Variants in KIAA2012 observed in about 807,000 individuals in gnomAD.
KIAA2012 encodes KIAA2012.
A neutral mutation model predicts 150.6 loss-of-function variants in KIAA2012; 125 were observed. The observed-to-expected ratio is 0.83, with a 90% confidence interval of 0.72 to 0.96. The LOEUF is 0.96. Among genes scored for constraint, KIAA2012 ranks in the 40% least tolerant of loss-of-function variants. KIAA2012 has a pLI of 0.00. For synonymous variants in KIAA2012, 462 were observed against 504.7 expected (o/e 0.92, Z 1.13); for missense variants, 1,219 against 1,354.9 (o/e 0.90, Z 1.57).
chr2:202,171,192 CACAG>C lies in KIAA2012; in HGVS notation c.2119+5840_2119+5843del, dbSNP rs1691881348. On this transcript the variant is annotated intron_variant, in intron 15 of 23. Coordinates refer to ENST00000498697, the MANE Select transcript of KIAA2012 (RefSeq NM_001277372.4). Reference sequence around the variant, plus strand: ...ATAGACACACACACAGACACATATACACAGACACACATGCACACACACACACACA... The same window carrying C: ...ATAGACACACACACAGACACATATACACACACATGCACACACACACACACA... 3.6e-5 allele frequency among the ~76,000 whole-genome samples: 3 copies of C among 83,628 alleles called. 1 individual carries two copies. In the South Asian group the frequency reaches 1.6e-3, roughly 46 times the overall value. The allele number at this position is 83,628 out of a possible 152,430, so 54.9% of individuals were successfully genotyped here.
intron 4 of KIAA2012, 120 bp downstream of exon 4, chr2:202,093,305 C>G: frequency 2.0e-6 from 2 of 1,022,556 alleles, no homozygotes; most frequent in East Asian, 5.2e-5. Flanking sequence ...AGTCCTCAAT[C>G]TGTAAAATGA....
chr2:202,193,008 A>G (rs547182535), intron 19 of KIAA2012, among the ~76,000 whole-genome samples: 1 of 152,310 alleles, frequency 6.6e-6, no homozygotes, highest in African/African-American at 2.4e-5. Context: ...TTATGTTGGC[A>G]CTTTCATTAT....
intron 13 of KIAA2012, among the ~76,000 whole-genome samples, chr2:202,144,517 C>CG (rs1691258549): frequency 6.6e-6 from 1 of 150,972 alleles, no homozygotes; most frequent in Admixed American, 6.6e-5. Context: ...AACATGCACA[C>CG]GAAAAAAAAA....
chr2:202,077,470 TC>T (rs1689351244), intron 2 of KIAA2012, among the ~76,000 whole-genome samples: 1 of 152,230 alleles, frequency 6.6e-6, no homozygotes, highest in African/African-American at 2.4e-5. Flanking sequence ...GAAGTTGCTA[TC>T]TTCCTGTGGC....
chr2:202,134,970 T>A (rs1257676870), intron 12 of KIAA2012, among the ~76,000 whole-genome samples: 2 of 152,244 alleles, frequency 1.3e-5, no homozygotes, highest in East Asian at 3.8e-4. Flanking sequence ...TAGAATCAGA[T>A]GCCCTTTCCT....
rs747577955 is a variant in KIAA2012 at position 202,097,511 on chromosome 2, C to G, written c.762C>G (p.Gly254=). ...AGGGCCCTCTAGCCAAGAACCATGG[C>G]AGTCAGGGGACTCGCTTGCCACCAC... ...VDQGPLAKNH[G]SQGTRLPPRR... is the part of the protein sequence containing the mutation. Residue 254 remains glycine (G), a synonymous_variant, in exon 5 of 24, where the codon GGC becomes GGG. Coordinates refer to ENST00000498697, the MANE Select transcript of KIAA2012 (RefSeq NM_001277372.4). 3.2e-6 allele frequency: 5 copies of G among 1,550,328 alleles called. No homozygotes were observed. In the South Asian group the frequency reaches 5.9e-5, roughly 18 times the overall value.
chr2:202,103,165 T>C (rs1575012834), intron 8 of KIAA2012, 51 bp downstream of exon 8: 1 of 1,515,436 alleles, frequency 6.6e-7, no homozygotes, highest in Non-Finnish European at 8.9e-7. Context: ...GGATGGGGGG[T>C]CCTGCCACTT....
rs1266984713 is a variant in KIAA2012, at chr2:202,099,507, AT to A, written c.829-103del. 2.5e-5 allele frequency: 23 copies of A among 903,876 alleles called. No homozygotes were observed. The African/African-American group carries it at 3.9e-4, about 15-fold the overall frequency. 56.0% of individuals were successfully genotyped at this position (903,876 alleles called of 1,614,324 possible). Reference sequence around the variant, plus strand: ...TTTTTCTTCCCAACCTGCAAAAGAAATTTCATCCTTGAAACCATAAGCCTAG... The same window carrying A: ...TTTTTCTTCCCAACCTGCAAAAGAAATTCATCCTTGAAACCATAAGCCTAG... On this transcript the variant is annotated intron_variant, in intron 5 of 23. Transcript: ENST00000498697.
intron 11 of KIAA2012, among the ~76,000 whole-genome samples, chr2:202,124,536 C>G (rs1170104069): frequency 6.6e-6 from 1 of 152,144 alleles, no homozygotes; most frequent in African/African-American, 2.4e-5. Flanking sequence ...TCTGTCATCC[C>G]CCATGGCTGC....
At chr2:202,124,635 G>C (rs1690737096) in intron 11 of KIAA2012, among the ~76,000 whole-genome samples, 1 of 152,142 alleles carries the variant, frequency 6.6e-6, no homozygotes, top group Non-Finnish European at 1.5e-5. Context: ...TTTGTCAAAA[G>C]TTCTTCTTAC....
intron 15 of KIAA2012, among the ~76,000 whole-genome samples, chr2:202,180,517 A>C (rs1294380812): frequency 6.6e-6 from 1 of 152,186 alleles, no homozygotes; most frequent in East Asian, 1.9e-4. Context: ...ACAAAGAGTA[A>C]ATTTTTTAAT....
chr2:202,204,564 A>G (rs1692603183), intron 23 of KIAA2012, among the ~76,000 whole-genome samples: 1 of 152,228 alleles, frequency 6.6e-6, no homozygotes, highest in South Asian at 2.1e-4. Flanking sequence ...CTGTCCACAG[A>G]TGAAAAGCTT....
At chr2:202,145,678 CTTTTTTTTTTTT>C (rs36059685) in intron 13 of KIAA2012, among the ~76,000 whole-genome samples, 10 of 75,338 alleles carry the variant, frequency 1.3e-4, no homozygotes, top group African/African-American at 5.1e-4. Context: ...TTGAGAGGGT[CTTTTTTTTTTTT>C]TTTTTTTTTT....
intron 14 of KIAA2012, among the ~76,000 whole-genome samples, chr2:202,159,740 G>A (rs908031125): frequency 2.6e-4 from 39 of 152,182 alleles, no homozygotes; most frequent in Admixed American, 5.9e-4. Flanking sequence ...TACTCAGGGG[G>A]CTGAGACAGG....
chr2:202,099,380 G>A (rs763548614), intron 5 of KIAA2012, among the ~76,000 whole-genome samples: 1 of 151,892 alleles, frequency 6.6e-6, no homozygotes, highest in Admixed American at 6.6e-5. Flanking sequence ...TCACAAGATC[G>A]CACTATATGT....
Position 202,075,151 on chromosome 2 carries a change from C to T in KIAA2012, c.345C>T (p.Ala115=), listed in dbSNP as rs1298743703. The change falls in exon 2 of 24, where the codon GCC becomes GCT. Residue 115 remains alanine (A), a synonymous_variant. Coordinates refer to ENST00000498697, the MANE Select transcript of KIAA2012 (RefSeq NM_001277372.4). ...ACACACTTCAAGACCTCAAAGAAGCCATCCTGGCATATGGAAGGCAGCAGG... is the reference window on the plus strand; with the variant it reads ...ACACACTTCAAGACCTCAAAGAAGCTATCCTGGCATATGGAAGGCAGCAGG... ...ELHTLQDLKE[A]ILAYGRQQGE... The T allele has an allele frequency of 4.5e-6, 7 of 1,547,480 alleles. No individual in the cohort carries two copies. The highest frequency in any genetic ancestry group is 1.8e-4 in the Middle Eastern group (1 of 5,470).
intron 12 of KIAA2012, among the ~76,000 whole-genome samples, chr2:202,133,757 C>T (rs1408920868): frequency 1.3e-5 from 2 of 152,098 alleles, no homozygotes; most frequent in East Asian, 1.9e-4. Flanking sequence ...TCTTAAATCT[C>T]GTCCCAAGAA....
chr2:202,202,032 A>AT, intron 22 of KIAA2012: 1 of 575,998 alleles, frequency 1.7e-6, no homozygotes, highest in South Asian at 2.1e-5. Context: ...CAGTTTTTGT[A>AT]TTTTTAGTAG....
intron 13 of KIAA2012, among the ~76,000 whole-genome samples, chr2:202,143,712 C>T (rs1176870123): frequency 1.3e-5 from 2 of 152,096 alleles, no homozygotes; most frequent in Non-Finnish European, 2.9e-5. Flanking sequence ...AACACCATAG[C>T]ACCATTATTT....
Sources: allele counts gnomAD v4.1 joint callset (sites outside exome capture counted in the v4.1 genomes callset), GRCh38; gene constraint gnomAD v4.1.1; transcripts MANE v1.5; gene names NCBI Gene and HGNC (gene_info 2026-07-23, HGNC 2026-07-21).